The following ABCC4 variants were observed in gnomAD, a reference collection of about 807,000 sequenced individuals.
The protein encoded by ABCC4 is ATP binding cassette subfamily C member 4 (PEL blood group), also known as ATP-binding cassette sub-family C member 4.
ABCC4 carries 102 observed loss-of-function variants against 168.5 expected under a neutral mutation model. The ratio of observed to expected loss-of-function variants is 0.61; its 90% CI spans 0.52 to 0.71. ABCC4 has a LOEUF of 0.71. Among genes scored for constraint, ABCC4 ranks in the 30% least tolerant of loss-of-function variants. The pLI, the probability that ABCC4 is intolerant of heterozygous loss-of-function variation, is 0.00. For missense variants in ABCC4, 1,402 were observed against 1,605.8 expected (o/e 0.87, Z 2.17); for synonymous variants, 617 against 590.7 (o/e 1.04, Z -0.65).
intron 1 of ABCC4, among the ~76,000 whole-genome samples, chr13:95,249,957 T>C (rs1305559408): frequency 1.3e-5 from 2 of 152,068 alleles, no homozygotes; most frequent in Admixed American, 6.6e-5. Flanking sequence ...ACCCAAAGCT[T>C]CTATTAGAGG....
intron 19 of ABCC4, among the ~76,000 whole-genome samples, chr13:95,156,417 T>A (rs1027230492): frequency 2.0e-4 from 31 of 152,298 alleles, no homozygotes; most frequent in African/African-American, 6.5e-4. Context: ...GTGCTGGATA[T>A]CAAAAGCAAA....
intron 9 of ABCC4, among the ~76,000 whole-genome samples, chr13:95,193,409 G>A (rs988962438): frequency 2.0e-5 from 3 of 152,166 alleles, no homozygotes; most frequent in Non-Finnish European, 4.4e-5. Context: ...GCTGGCAGCT[G>A]GGCCACTGGG....
intron 20 of ABCC4, 73 bp downstream of exon 20, chr13:95,115,849 C>T (rs908621900): frequency 6.9e-5 from 87 of 1,256,910 alleles, no homozygotes; most frequent in Non-Finnish European, 9.8e-5. Flanking sequence ...ACCCCCAGAC[C>T]CCATGAAAAG....
At chr13:95,220,537 G>GGAA (rs2039284898) in intron 4 of ABCC4, among the ~76,000 whole-genome samples, 1 of 151,830 alleles carries the variant, frequency 6.6e-6, no homozygotes, top group Non-Finnish European at 1.5e-5. Flanking sequence ...TGTGCAGCAG[G>GGAA]AAAAAAAATG....
At chr13:95,290,199 T>A (rs890940933) in intron 1 of ABCC4, among the ~76,000 whole-genome samples, 14 of 152,122 alleles carry the variant, frequency 9.2e-5, no homozygotes, top group Non-Finnish European at 1.6e-4. Flanking sequence ...ATTTTTCCAA[T>A]TGGCCTATAA....
intron 14 of ABCC4, among the ~76,000 whole-genome samples, chr13:95,167,738 G>A (rs557921445): frequency 2.0e-5 from 3 of 152,266 alleles, no homozygotes; most frequent in East Asian, 1.9e-4. Flanking sequence ...CTCAGAAGCC[G>A]AGTACTGAGG....
intron 25 of ABCC4, among the ~76,000 whole-genome samples, chr13:95,070,275 T>C (rs1453804172): frequency 6.6e-6 from 1 of 152,052 alleles, no homozygotes; most frequent in Non-Finnish European, 1.5e-5. Context: ...ATGTGGAGAA[T>C]ATAGTTTCAA....
intron 20 of ABCC4, among the ~76,000 whole-genome samples, chr13:95,099,762 T>C (rs1249197701): frequency 6.6e-6 from 1 of 152,106 alleles, no homozygotes; most frequent in East Asian, 1.9e-4. Flanking sequence ...AGCGGCACTA[T>C]CGGCTTCATG....
At chr13:95,114,317 C>T (rs2035300560) in intron 20 of ABCC4, among the ~76,000 whole-genome samples, 2 of 152,308 alleles carry the variant, frequency 1.3e-5, no homozygotes, top group South Asian at 4.1e-4. Context: ...ATAAGGGATA[C>T]TAATTACGAC....
At chr13:95,188,907 T>C (rs1487432948) in intron 9 of ABCC4, among the ~76,000 whole-genome samples, 1 of 152,150 alleles carries the variant, frequency 6.6e-6, no homozygotes, top group Non-Finnish European at 1.5e-5. Context: ...CTTTAAGTTC[T>C]AGGATACATG....
chr13:95,261,610 G>A (rs144959506), intron 1 of ABCC4, among the ~76,000 whole-genome samples: 247 of 152,032 alleles, frequency 1.6e-3, no homozygotes, highest in African/African-American at 5.6e-3. Context: ...TGGTGACATG[G>A]CTATTGAAGA....
chr13:95,294,691 G>A (rs2041483409), intron 1 of ABCC4, among the ~76,000 whole-genome samples: 2 of 152,130 alleles, frequency 1.3e-5, no homozygotes, highest in African/African-American at 2.4e-5. Context: ...GGCGGCTCAC[G>A]CCTGTAATCC....
intron 19 of ABCC4, among the ~76,000 whole-genome samples, chr13:95,129,808 C>T (rs1009417344): frequency 2.6e-5 from 4 of 152,132 alleles, no homozygotes; most frequent in African/African-American, 2.4e-5. Context: ...GGCGCAGTGG[C>T]TCACACCTGT....
At chr13:95,138,152 C>A (rs969078088) in intron 19 of ABCC4, among the ~76,000 whole-genome samples, 2 of 152,058 alleles carry the variant, frequency 1.3e-5, no homozygotes, top group African/African-American at 4.8e-5. Flanking sequence ...TACACTTTAC[C>A]AATTAAAACT....
intron 20 of ABCC4, among the ~76,000 whole-genome samples, chr13:95,099,465 C>T (rs917207555): frequency 1.3e-5 from 2 of 151,968 alleles, no homozygotes; most frequent in East Asian, 1.9e-4. Context: ...AAAAAACTGT[C>T]GATTTTATTG....
intron 20 of ABCC4, among the ~76,000 whole-genome samples, chr13:95,088,437 AACT>A (rs2034326984): frequency 6.6e-6 from 1 of 152,228 alleles, no homozygotes; most frequent in Non-Finnish European, 1.5e-5. Context: ...TATAGCCAAT[AACT>A]GCATAAACAC....
At chr13:95,030,207 G>T (rs2139212793) in intron 30 of ABCC4, among the ~76,000 whole-genome samples, 1 of 152,172 alleles carries the variant, frequency 6.6e-6, no homozygotes, top group African/African-American at 2.4e-5. Flanking sequence ...TTTTAGTAGA[G>T]ACAGGGTTTC....
At chr13:95,257,842 T>C (rs1213074357) in intron 1 of ABCC4, among the ~76,000 whole-genome samples, 11 of 152,132 alleles carry the variant, frequency 7.2e-5, no homozygotes, top group African/African-American at 2.4e-4. Flanking sequence ...AAACAACTGA[T>C]AGAATTTAGT....
chr13:95,030,130 C>T (rs542115107), intron 30 of ABCC4, among the ~76,000 whole-genome samples: 1 of 152,162 alleles, frequency 6.6e-6, no homozygotes, highest in African/African-American at 2.4e-5. Context: ...AAGTGATTCT[C>T]CAGCCTCAGC....
Sources: allele counts gnomAD v4.1 joint callset (sites outside exome capture counted in the v4.1 genomes callset), GRCh38; gene constraint gnomAD v4.1.1; transcripts MANE v1.5; gene names NCBI Gene and HGNC (gene_info 2026-07-23, HGNC 2026-07-21).